The following IFT74 variants were observed in gnomAD, a reference collection of about 807,000 sequenced individuals.
The protein encoded by IFT74 is intraflagellar transport protein 74 homolog.
A neutral mutation model predicts 96.7 loss-of-function variants in IFT74; 92 were observed. The ratio of observed to expected loss-of-function variants is 0.95; its 90% CI spans 0.80 to 1.13. The LOEUF is 1.13. Ranked by LOEUF, IFT74 falls within the 50% of genes most tolerant of loss-of-function variation. IFT74 has a pLI of 0.00. For synonymous variants in IFT74, 223 were observed against 213.2 expected, an observed-to-expected ratio of 1.05 and a Z score of -0.40; for missense variants, 811 against 698.2, an observed-to-expected ratio of 1.16 and a Z score of -1.82.
chr9:27,018,672 C>A lies in IFT74; in HGVS notation c.959C>A (p.Ala320Asp). 2 of 1,530,418 alleles carry A rather than the reference C, an allele frequency of 1.3e-6. No individual in the cohort carries two copies. Among genetic ancestry groups the A allele is most frequent in the East Asian group, 2.3e-5 (1 of 43,820 alleles). 94.8% of individuals were successfully genotyped at this position (1,530,418 alleles called of 1,614,324 possible). ...ATTAAAGATGATAATCAGGAAATAG[C>A]CAGCATGGAAAGACAGTAAGTATCT... ...KQIKDDNQEI[A>D]SMERQLTDTK... The change falls in exon 12 of 20, where the codon GCC becomes GAC. Residue 320 changes from alanine (A) to aspartate (D), a missense_variant. Transcript: ENST00000380062.
At chr9:26,991,695 T>C (rs912480762) in intron 8 of IFT74, among the ~76,000 whole-genome samples, 1 of 151,976 alleles carries the variant, frequency 6.6e-6, no homozygotes, top group Non-Finnish European at 1.5e-5. Flanking sequence ...TATCATTTAC[T>C]ATATATAAGA....
At chr9:27,044,133 C>CT (rs1819592982) in intron 13 of IFT74, among the ~76,000 whole-genome samples, 2 of 152,094 alleles carry the variant, frequency 1.3e-5, no homozygotes. Context: ...TTTATGCTAC[C>CT]ATATTCATCC....
intron 1 of IFT74, chr9:26,947,318 G>A (rs1390265291): frequency 1.1e-5 from 5 of 457,620 alleles, no homozygotes; most frequent in Non-Finnish European, 1.9e-5. Flanking sequence ...CGCCGACGCC[G>A]ATGCGGAGCT....
At chr9:27,005,493 C>T (rs1179860648) in intron 8 of IFT74, 1 of 151,456 alleles carries the variant, frequency 6.6e-6, no homozygotes, top group Non-Finnish European at 1.5e-5. Context: ...TATTTTTCAT[C>T]ACTTCTTAAA....
In IFT74 at chr9:27,048,155, A is replaced by C. The variant is rs1434789425; in HGVS notation, c.1214A>C (p.Asn405Thr). The C allele has an allele frequency of 6.4e-7, 1 of 1,564,706 alleles. No homozygotes were observed. The highest frequency in any genetic ancestry group is 8.7e-7 in the Non-Finnish European group (1 of 1,155,536). ...ATTTCTCTGCAAATGCAGAATATAA[A>C]TCGTATAGAACAGATATCCTCTATC... ...ALLEHCSRNI[N>T]RIEQISSITN... is the part of the protein sequence containing the mutation. The change falls in exon 16 of 20, where the codon AAT becomes ACT. Residue 405 changes from asparagine (N) to threonine (T), a missense_variant. Transcript: ENST00000380062.
chr9:26,980,739 G>T, intron 4 of IFT74, 120 bp downstream of exon 4: 2 of 603,082 alleles, frequency 3.3e-6, no homozygotes, highest in South Asian at 2.3e-5. Flanking sequence ...GGATAATTAG[G>T]TATCTATTGA....
At chr9:27,061,303 A>G (rs1820412720) in intron 19 of IFT74, among the ~76,000 whole-genome samples, 1 of 152,194 alleles carries the variant, frequency 6.6e-6, no homozygotes, top group African/African-American at 2.4e-5. Flanking sequence ...TTTAAATGTC[A>G]ACTCTACTGC....
intron 13 of IFT74, chr9:27,036,434 G>A (rs371796693): frequency 1.2e-6 from 2 of 1,612,656 alleles, no homozygotes; most frequent in African/African-American, 1.3e-5. Context: ...TGTACCCACG[G>A]GTTCTTCATC....
chr9:26,972,199 CT>C (rs779077955), intron 2 of IFT74, among the ~76,000 whole-genome samples: 2 of 151,390 alleles, frequency 1.3e-5, no homozygotes, highest in African/African-American at 2.4e-5. Flanking sequence ...GTTAAATCAT[CT>C]TTTTTTTTAA....
intron 19 of IFT74, 45 bp downstream of exon 19, chr9:27,060,696 T>C (rs775985627): frequency 1.0e-5 from 15 of 1,436,786 alleles, no homozygotes; most frequent in Admixed American, 5.3e-5. Flanking sequence ...CGGTGGCTCA[T>C]GCCTATAGTC....
chr9:27,004,703 AT>A (rs1167531796), intron 8 of IFT74, among the ~76,000 whole-genome samples: 1 of 152,052 alleles, frequency 6.6e-6, no homozygotes, highest in South Asian at 2.1e-4. Flanking sequence ...TCTAATTTGG[AT>A]TTTTTTTGAA....
chr9:26,952,866 G>GA (rs1391362438), upstream of IFT74, among the ~76,000 whole-genome samples: 5 of 152,034 alleles, frequency 3.3e-5, no homozygotes, highest in Non-Finnish European at 4.4e-5. Flanking sequence ...GAGTTAAACT[G>GA]AAAAAAGACA....
chr9:26,964,361 C>T (rs1199343469), intron 2 of IFT74, among the ~76,000 whole-genome samples: 43 of 150,262 alleles, frequency 2.9e-4, no homozygotes, highest in Non-Finnish European at 5.3e-4. Context: ...GTTTTGGTTA[C>T]TGTAGCCTTG....
In IFT74 at chr9:27,048,138, G is replaced by T; in HGVS notation, c.1207-10G>T. On this transcript the variant is annotated splice_polypyrimidine_tract_variant and intron_variant, in intron 15 of 19. Coordinates refer to ENST00000380062, the MANE Select transcript of IFT74 (RefSeq NM_025103.4). ...GATTTTTTTCTATTTTTATTTCTCT[G>T]CAAATGCAGAATATAAATCGTATAG... 1 of 1,542,088 alleles carries T rather than the reference G, an allele frequency of 6.5e-7. No individual in the cohort carries two copies. Among genetic ancestry groups the T allele is most frequent in the South Asian group, 1.3e-5 (1 of 78,006 alleles).
intron 12 of IFT74, among the ~76,000 whole-genome samples, chr9:27,025,443 C>CAAA (rs57335230): frequency 1.8e-4 from 14 of 77,698 alleles, no homozygotes; most frequent in Non-Finnish European, 1.8e-4. Context: ...ACTCCATCTC[C>CAAA]AAAAAAAAAA....
At chr9:27,003,303 A>G (rs1828600801) in intron 8 of IFT74, among the ~76,000 whole-genome samples, 1 of 151,966 alleles carries the variant, frequency 6.6e-6, no homozygotes, top group African/African-American at 2.4e-5. Flanking sequence ...CGGGCAGATC[A>G]CCTGAGGTCA....
intron 6 of IFT74, among the ~76,000 whole-genome samples, chr9:26,986,575 C>T (rs1322140434): frequency 6.6e-6 from 1 of 151,794 alleles, no homozygotes; most frequent in Non-Finnish European, 1.5e-5. Context: ...CCTTGGTCTC[C>T]CAAAGTGCTG....
chr9:27,038,882 G>T (rs947853422), intron 13 of IFT74, among the ~76,000 whole-genome samples: 8 of 152,176 alleles, frequency 5.3e-5, no homozygotes, highest in African/African-American at 1.9e-4. Context: ...ATGCCTACAA[G>T]CACTGCAAGA....
At position 26,980,638 on chromosome 9, in the gene IFT74, T is replaced by G; in HGVS notation, c.305+19T>G. 1 of 1,505,700 alleles carries G rather than the reference T, an allele frequency of 6.6e-7. No individual in the cohort carries two copies. Among genetic ancestry groups the G allele is most frequent in the Non-Finnish European group, 9.2e-7 (1 of 1,085,628 alleles). 93.3% of individuals were successfully genotyped at this position (1,505,700 alleles called of 1,614,324 possible). ...TTCTTAGGTATGTTAAACATATCTTTTCATCCGTATGTTTTACTCGAAATA... is the reference window on the plus strand; with the variant it reads ...TTCTTAGGTATGTTAAACATATCTTGTCATCCGTATGTTTTACTCGAAATA... On this transcript the variant is annotated intron_variant, in intron 4 of 19. Coordinates refer to ENST00000380062, the MANE Select transcript of IFT74 (RefSeq NM_025103.4).
Sources: allele counts gnomAD v4.1 joint callset (sites outside exome capture counted in the v4.1 genomes callset), GRCh38; gene constraint gnomAD v4.1.1; transcripts MANE v1.5; gene names NCBI Gene and HGNC (gene_info 2026-07-23, HGNC 2026-07-21).